Variants in NDST3 observed in about 807,000 individuals in gnomAD.
The protein encoded by NDST3 is bifunctional heparan sulfate N-deacetylase/N-sulfotransferase 3.
In NDST3, 58 loss-of-function variants were observed where a neutral mutation model predicts 96.1. The observed-to-expected ratio is 0.60, with a 90% CI of 0.49 to 0.75. The LOEUF is 0.75. Ranked by LOEUF, NDST3 falls within the 30% of genes least tolerant of loss-of-function variation. The pLI, the probability that NDST3 is intolerant of heterozygous loss-of-function variation, is 0.00. For missense variants in NDST3, 788 were observed against 1,034.2 expected (o/e 0.76, Z 3.27); for synonymous variants, 333 against 359.7 (o/e 0.93, Z 0.84).
At chr4:118,208,001 AC>A (rs1210484863) in intron 6 of NDST3, among the ~76,000 whole-genome samples, 1 of 143,856 alleles carries the variant, frequency 7.0e-6, no homozygotes, top group African/African-American at 2.6e-5. Flanking sequence ...ACATTTATAA[AC>A]CCTAGTTCTT....
chr4:118,063,509 T>C (rs901559805), intron 2 of NDST3, among the ~76,000 whole-genome samples: 2 of 152,192 alleles, frequency 1.3e-5, no homozygotes, highest in Non-Finnish European at 2.9e-5. Flanking sequence ...TATGTCCTTC[T>C]CTTGGTTAAG....
At chr4:118,077,520 AG>A (rs1358712648) in intron 2 of NDST3, among the ~76,000 whole-genome samples, 1 of 152,058 alleles carries the variant, frequency 6.6e-6, no homozygotes. Context: ...GTCTTGGAAG[AG>A]CCCCCTCCAA....
chr4:118,084,722 T>C (rs570274481), intron 2 of NDST3, among the ~76,000 whole-genome samples: 7 of 152,330 alleles, frequency 4.6e-5, no homozygotes, highest in African/African-American at 1.7e-4. Context: ...ACTATTACAC[T>C]AACACAAACA....
intron 1 of NDST3, among the ~76,000 whole-genome samples, chr4:118,039,813 G>A (rs1724346449): frequency 1.3e-5 from 2 of 152,304 alleles, no homozygotes; most frequent in East Asian, 1.9e-4. Flanking sequence ...GGAACTGAAA[G>A]AGGACCCACT....
intron 8 of NDST3, among the ~76,000 whole-genome samples, chr4:118,232,576 T>G (rs13132331): frequency 6.6e-6 from 1 of 150,680 alleles, no homozygotes; most frequent in African/African-American, 2.4e-5. Flanking sequence ...GTGTCAAGGT[T>G]GTAGTGAGCC....
At chr4:118,104,330 A>G (rs1729997819) in intron 2 of NDST3, among the ~76,000 whole-genome samples, 1 of 152,144 alleles carries the variant, frequency 6.6e-6, no homozygotes, top group South Asian at 2.1e-4. Flanking sequence ...AGACAGAGAG[A>G]GGGAGTATAA....
At chr4:118,083,659 A>G (rs1025373050) in intron 2 of NDST3, among the ~76,000 whole-genome samples, 1 of 152,136 alleles carries the variant, frequency 6.6e-6, no homozygotes, top group Non-Finnish European at 1.5e-5. Flanking sequence ...AATATTCTTG[A>G]AGACTTATTA....
rs568983230 is a variant in NDST3 at position 118,120,742 on chromosome 4, C to T, written c.1224+5782C>T. 3.9e-5 allele frequency among the ~76,000 whole-genome samples: 6 copies of T among 152,210 alleles called. No homozygotes were observed. The East Asian group carries it at 1.2e-3, about 29-fold the overall frequency. ...CCCGGTTATGTATCTTGAAGCAATTCCACAGGTTTTCAAAGCCCCTCACCA... is the reference window on the plus strand; with the variant it reads ...CCCGGTTATGTATCTTGAAGCAATTTCACAGGTTTTCAAAGCCCCTCACCA... On this transcript the variant is annotated intron_variant, in intron 4 of 13. Coordinates refer to ENST00000296499, the MANE Select transcript of NDST3 (RefSeq NM_004784.3).
intron 6 of NDST3, among the ~76,000 whole-genome samples, chr4:118,179,938 A>T (rs1578775260): frequency 6.6e-6 from 1 of 152,092 alleles, no homozygotes; most frequent in Admixed American, 6.6e-5. Flanking sequence ...CTTTACTACA[A>T]GGAAGGCTCT....
chr4:118,248,148 C>T (rs957019919), intron 12 of NDST3, among the ~76,000 whole-genome samples: 1 of 152,004 alleles, frequency 6.6e-6, no homozygotes, highest in Admixed American at 6.6e-5. Context: ...GTCAGGAGTT[C>T]GAGACCAGCC....
At chr4:118,160,929 G>A (rs1418957818) in intron 6 of NDST3, among the ~76,000 whole-genome samples, 2 of 152,052 alleles carry the variant, frequency 1.3e-5, no homozygotes, top group Admixed American at 6.6e-5. Context: ...GCATTCCTTT[G>A]GAGGAGGAGA....
intron 4 of NDST3, among the ~76,000 whole-genome samples, chr4:118,117,510 C>T (rs1331739313): frequency 6.6e-6 from 1 of 152,146 alleles, no homozygotes; most frequent in East Asian, 1.9e-4. Context: ...TTCCATTAAG[C>T]ATTAGGGTTA....
chr4:118,180,996 T>C (rs544450997), intron 6 of NDST3, among the ~76,000 whole-genome samples: 1 of 152,106 alleles, frequency 6.6e-6, no homozygotes, highest in Non-Finnish European at 1.5e-5. Context: ...TGCCACCTCA[T>C]AGCACAAACT....
intron 2 of NDST3, among the ~76,000 whole-genome samples, chr4:118,084,082 T>C (rs1341371457): frequency 1.3e-5 from 2 of 152,168 alleles, no homozygotes; most frequent in Non-Finnish European, 2.9e-5. Flanking sequence ...TGACAAGATG[T>C]AATTCAGAGG....
chr4:118,179,938 A>G (rs1578775260), intron 6 of NDST3, among the ~76,000 whole-genome samples: 1 of 152,092 alleles, frequency 6.6e-6, no homozygotes, highest in Non-Finnish European at 1.5e-5. Flanking sequence ...CTTTACTACA[A>G]GGAAGGCTCT....
chr4:118,104,485 C>A (rs1284580313), intron 2 of NDST3, among the ~76,000 whole-genome samples: 2 of 152,068 alleles, frequency 1.3e-5, no homozygotes, highest in Non-Finnish European at 2.9e-5. Context: ...TTTTATTAGT[C>A]TGTTTTTTAA....
At chr4:118,096,696 TAG>T (rs1729341064) in intron 2 of NDST3, among the ~76,000 whole-genome samples, 1 of 151,430 alleles carries the variant, frequency 6.6e-6, no homozygotes. Flanking sequence ...GATAGATAGA[TAG>T]ATAGATAGAT....
chr4:118,231,475 T>C (rs1740293065), intron 8 of NDST3, among the ~76,000 whole-genome samples: 1 of 151,012 alleles, frequency 6.6e-6, no homozygotes, highest in South Asian at 2.1e-4. Flanking sequence ...TAATACCATA[T>C]TAATACCATT....
intron 12 of NDST3, among the ~76,000 whole-genome samples, chr4:118,243,553 G>A (rs1741133974): frequency 6.6e-6 from 1 of 152,130 alleles, no homozygotes; most frequent in African/African-American, 2.4e-5. Flanking sequence ...CATTCAACTT[G>A]ACCTTAAAGA....
Sources: gnomAD v4.1 joint callset for allele counts (sites outside exome capture counted in the v4.1 genomes callset) on GRCh38, gnomAD v4.1.1 for gene constraint, MANE v1.5 for transcripts, NCBI Gene and HGNC (gene_info 2026-07-23, HGNC 2026-07-21) for gene names.